Variants in SLC9A9 observed in about 807,000 individuals in gnomAD.
SLC9A9 encodes the protein sodium/hydrogen exchanger 9.
In SLC9A9, 62 loss-of-function variants were observed where a neutral mutation model predicts 77.8. That is an observed-to-expected ratio of 0.80 (90% CI 0.65 to 0.98). The LOEUF (loss-of-function observed/expected upper bound fraction) is 0.98. SLC9A9 is among the 50% of genes least tolerant of loss of function. SLC9A9 has a pLI of 0.00. For synonymous variants in SLC9A9, 320 were observed against 283.5 expected, an observed-to-expected ratio of 1.13 and a Z score of -1.29; for missense variants, 775 against 774.9, an observed-to-expected ratio of 1.00 and a Z score of 0.00.
At chr3:143,677,451 G>A (rs372087472) in intron 5 of SLC9A9, among the ~76,000 whole-genome samples, 1 of 148,650 alleles carries the variant, frequency 6.7e-6, no homozygotes, top group African/African-American at 2.5e-5. Context: ...TCTTAAAAAT[G>A]TTGCAGTACA....
chr3:143,303,045 C>T (rs191020049), intron 14 of SLC9A9, among the ~76,000 whole-genome samples: 6 of 152,334 alleles, frequency 3.9e-5, no homozygotes, highest in East Asian at 3.9e-4. Context: ...ACAACTGGCT[C>T]TCCAGGCATT....
chr3:143,665,447 T>C (rs112229128), intron 5 of SLC9A9, among the ~76,000 whole-genome samples: 147 of 152,102 alleles, frequency 9.7e-4, no homozygotes, highest in African/African-American at 3.3e-3. Flanking sequence ...AGAGCAAGCA[T>C]ACTCAAAAGC....
intron 2 of SLC9A9, among the ~76,000 whole-genome samples, chr3:143,807,945 C>A (rs1868182): frequency 6.6e-6 from 1 of 152,026 alleles, no homozygotes; most frequent in East Asian, 1.9e-4. Context: ...GAGAGACCAT[C>A]TCGATGCTTT....
At chr3:143,418,656 G>A (rs1488877099) in intron 12 of SLC9A9, among the ~76,000 whole-genome samples, 3 of 152,122 alleles carry the variant, frequency 2.0e-5, no homozygotes, top group Non-Finnish European at 4.4e-5. Context: ...GGTTTGTAAA[G>A]GATGCAGAAG....
intron 4 of SLC9A9, among the ~76,000 whole-genome samples, chr3:143,710,087 T>C (rs932360097): frequency 6.6e-6 from 1 of 152,216 alleles, no homozygotes; most frequent in African/African-American, 2.4e-5. Flanking sequence ...AACAAGTTTC[T>C]TTGCTTTGGG....
rs1576449473 is a variant in SLC9A9, at chr3:143,363,345, T to G, written c.1604+139A>C. ...GCTTTTTATTTTATGAAATCATTCC[T>G]TTTTATAAGTTTGGCTGTGAATTCA... On this transcript the variant is annotated intron_variant, in intron 14 of 15. Transcript: ENST00000316549. 7.6e-6 allele frequency: 6 copies of G among 791,090 alleles called. No individual in the cohort carries two copies. In the East Asian group the frequency reaches 1.6e-4, roughly 21 times the overall value. The allele number at this position is 791,090 out of a possible 1,614,324, so 49.0% of individuals were successfully genotyped here. A position where few individuals can be genotyped will look rare whatever the true frequency, so the allele number is the denominator to read the frequency against.
intron 5 of SLC9A9, among the ~76,000 whole-genome samples, chr3:143,686,501 A>G (rs1933269858): frequency 6.6e-6 from 1 of 152,058 alleles, no homozygotes; most frequent in South Asian, 2.1e-4. Flanking sequence ...CACTGAGGTG[A>G]CAGTTGAGCA....
intron 9 of SLC9A9, among the ~76,000 whole-genome samples, chr3:143,539,877 AGAG>A: frequency 1.8e-5 from 1 of 55,562 alleles, no homozygotes; most frequent in East Asian, 3.5e-4. Flanking sequence ...TGAAAAATTA[AGAG>A]AGAGAGAGAG....
intron 12 of SLC9A9, among the ~76,000 whole-genome samples, chr3:143,465,145 C>T (rs73146713): frequency 0.011 from 1,705 of 152,352 alleles, 7 homozygotes; most frequent in Non-Finnish European, 0.018. Context: ...GCTGGGGCAT[C>T]GCCATGACCT....
chr3:143,746,436 CTTAA>C (rs1935198390), intron 4 of SLC9A9, among the ~76,000 whole-genome samples: 2 of 152,246 alleles, frequency 1.3e-5, no homozygotes, highest in African/African-American at 4.8e-5. Context: ...TTTTCGTTTA[CTTAA>C]TTGTTTGTTT....
At chr3:143,468,464 C>T (rs961419506) in intron 11 of SLC9A9, among the ~76,000 whole-genome samples, 12 of 152,354 alleles carry the variant, frequency 7.9e-5, no homozygotes, top group East Asian at 1.9e-4. Context: ...TAATAGCACA[C>T]TGTCTTAATT....
chr3:143,690,159 A>AT (rs1933413990), intron 5 of SLC9A9, among the ~76,000 whole-genome samples: 1 of 151,844 alleles, frequency 6.6e-6, no homozygotes. Context: ...TAGTTATCAT[A>AT]TTTTTAGTAA....
intron 2 of SLC9A9, among the ~76,000 whole-genome samples, chr3:143,807,169 C>G (rs977114570): frequency 1.3e-5 from 2 of 152,162 alleles, no homozygotes; most frequent in African/African-American, 4.8e-5. Flanking sequence ...GTAGGCTGGG[C>G]ACAGTGGCTC....
chr3:143,296,572 A>G (rs180886441), intron 14 of SLC9A9, among the ~76,000 whole-genome samples: 2 of 152,232 alleles, frequency 1.3e-5, no homozygotes, highest in Non-Finnish European at 2.9e-5. Flanking sequence ...TTTTGGGTAT[A>G]TACCCAGAAG....
At chr3:143,610,990 A>G (rs2038014204) in intron 6 of SLC9A9, among the ~76,000 whole-genome samples, 1 of 152,204 alleles carries the variant, frequency 6.6e-6, no homozygotes, top group African/African-American at 2.4e-5. Flanking sequence ...CGAAAAAAAA[A>G]TTGCAGAAAG....
intron 4 of SLC9A9, among the ~76,000 whole-genome samples, chr3:143,710,085 T>G (rs1934098192): frequency 6.6e-6 from 1 of 152,208 alleles, no homozygotes; most frequent in South Asian, 2.1e-4. Context: ...AAAACAAGTT[T>G]CTTTGCTTTG....
intron 4 of SLC9A9, among the ~76,000 whole-genome samples, chr3:143,762,610 A>G (rs1361992522): frequency 6.6e-6 from 1 of 152,182 alleles, no homozygotes; most frequent in Admixed American, 6.5e-5. Flanking sequence ...GACAGAGGCA[A>G]TAAAACTACC....
chr3:143,624,317 G>A (rs1360193877), intron 6 of SLC9A9, among the ~76,000 whole-genome samples: 1 of 152,124 alleles, frequency 6.6e-6, no homozygotes, highest in Non-Finnish European at 1.5e-5. Flanking sequence ...AACAAAAAAA[G>A]AGAATTTTAG....
rs1000388041 is a variant in SLC9A9 at position 143,635,222 on chromosome 3, C to G, written c.755+17033G>C. Among the ~76,000 whole-genome samples the G allele has an allele frequency of 2.0e-5, 3 of 152,156 alleles. No individual in the cohort carries two copies. In the East Asian group the frequency reaches 5.8e-4, roughly 29 times the overall value. ...TCGCTCCCTCTCCAGGTGGAACTCT[C>G]CACAGACTGATTTGGCTTCCTCACA... On this transcript the variant is annotated intron_variant, in intron 6 of 15. Coordinates refer to ENST00000316549, the MANE Select transcript of SLC9A9 (RefSeq NM_173653.4).
Sources: allele counts gnomAD v4.1 joint callset (sites outside exome capture counted in the v4.1 genomes callset), GRCh38; gene constraint gnomAD v4.1.1; transcripts MANE v1.5; gene names NCBI Gene and HGNC (gene_info 2026-07-23, HGNC 2026-07-21).